Variants in IQCM observed in about 807,000 individuals in gnomAD.
IQCM encodes the protein IQ motif containing M.
IQCM carries 45 observed loss-of-function variants against 57.6 expected under a neutral mutation model. That is an observed-to-expected ratio of 0.78 (90% confidence interval 0.62 to 1.00). The LOEUF (loss-of-function observed/expected upper bound fraction) is 1.00, where lower values mean the gene tolerates loss of function less well. Ranked by LOEUF, IQCM falls within the 50% of genes least tolerant of loss-of-function variation. The pLI is 0.00. For synonymous variants in IQCM, 148 were observed against 158.9 expected (o/e 0.93, Z 0.51); for missense variants, 468 against 511.6 (o/e 0.91, Z 0.82).
chr4:149,646,281 T>G (rs1758628331), intron 7 of IQCM, among the ~76,000 whole-genome samples: 2 of 152,216 alleles, frequency 1.3e-5, no homozygotes, highest in Non-Finnish European at 1.5e-5. Context: ...AATATGAATC[T>G]TTTCTATTTC....
At chr4:149,702,168 C>G (rs992796547) in intron 5 of IQCM, among the ~76,000 whole-genome samples, 4 of 151,856 alleles carry the variant, frequency 2.6e-5, no homozygotes, top group African/African-American at 9.7e-5. Flanking sequence ...CAACTGATAA[C>G]ACACTAAGTA....
At chr4:149,421,284 G>T (rs1473160096) in intron 13 of IQCM, among the ~76,000 whole-genome samples, 1 of 151,878 alleles carries the variant, frequency 6.6e-6, no homozygotes, top group Non-Finnish European at 1.5e-5. Flanking sequence ...CCAATAAGCT[G>T]AGATAGAATC....
In IQCM at chr4:149,769,598, A is replaced by G. The variant is rs529866921; in HGVS notation, c.-48-26859T>C. Among the ~76,000 whole-genome samples the G allele has an allele frequency of 3.3e-5, 5 of 152,138 alleles. 1 individual carries two copies. Among genetic ancestry groups the G allele is most frequent in the African/African-American group, 1.2e-4 (5 of 41,568 alleles). On this transcript the variant is annotated intron_variant, in intron 2 of 13. Coordinates refer to ENST00000636793, the MANE Select transcript of IQCM (RefSeq NM_001363507.2). ...AAAAGTAAAAGGATAGAAAAGGTAG[A>G]CCACGCCACAGTAATCAAAATAAAA...
intron 2 of IQCM, among the ~76,000 whole-genome samples, chr4:149,814,711 C>T (rs1333756776): frequency 6.6e-6 from 1 of 151,858 alleles, no homozygotes; most frequent in Non-Finnish European, 1.5e-5. Flanking sequence ...ATTAATTTCT[C>T]TGAATAATTT....
intron 12 of IQCM, among the ~76,000 whole-genome samples, chr4:149,458,534 CT>C (rs1242416858): frequency 6.6e-6 from 1 of 151,578 alleles, no homozygotes; most frequent in Non-Finnish European, 1.5e-5. Flanking sequence ...AAATGCCAAT[CT>C]TTTAAAATTA....
chr4:149,395,752 C>T (rs1163229635), intron 13 of IQCM, among the ~76,000 whole-genome samples: 1 of 152,006 alleles, frequency 6.6e-6, no homozygotes, highest in Non-Finnish European at 1.5e-5. Context: ...TATGCAAATG[C>T]TGGCTGTTAT....
At chr4:149,591,585 A>G (rs945975732) in intron 8 of IQCM, among the ~76,000 whole-genome samples, 10 of 151,808 alleles carry the variant, frequency 6.6e-5, no homozygotes, top group Admixed American at 6.6e-4. Flanking sequence ...TATATCTCCT[A>G]ATGCTATCCC....
chr4:149,661,241 T>C (rs906006910), intron 7 of IQCM, among the ~76,000 whole-genome samples: 1 of 152,186 alleles, frequency 6.6e-6, no homozygotes, highest in African/African-American at 2.4e-5. Flanking sequence ...TCCTTTCTGT[T>C]AATGTGGTAT....
At chr4:149,583,648 T>C (rs975139190) in intron 9 of IQCM, among the ~76,000 whole-genome samples, 12 of 151,646 alleles carry the variant, frequency 7.9e-5, no homozygotes, top group African/African-American at 2.9e-4. Flanking sequence ...ACGTAGACTT[T>C]TGCAATATGG....
At chr4:149,521,540 T>C (rs1175628953) in intron 12 of IQCM, among the ~76,000 whole-genome samples, 1 of 152,222 alleles carries the variant, frequency 6.6e-6, no homozygotes, top group Non-Finnish European at 1.5e-5. Flanking sequence ...TCAGATGTTT[T>C]ATGTCAAAAT....
chr4:149,627,566 A>G (rs1319646651), intron 7 of IQCM, among the ~76,000 whole-genome samples: 3 of 152,170 alleles, frequency 2.0e-5, no homozygotes, highest in African/African-American at 4.8e-5. Flanking sequence ...TCCATTTAAC[A>G]GAGGAGAAAA....
intron 12 of IQCM, among the ~76,000 whole-genome samples, chr4:149,497,152 A>G (rs1057366445): frequency 6.6e-6 from 1 of 152,052 alleles, no homozygotes; most frequent in Non-Finnish European, 1.5e-5. Context: ...TCAGTCTTTC[A>G]AAGAATGCTC....
chr4:149,590,403 T>A (rs900068719), intron 8 of IQCM, among the ~76,000 whole-genome samples: 1 of 151,940 alleles, frequency 6.6e-6, no homozygotes, highest in South Asian at 2.1e-4. Context: ...CTATTTTCTC[T>A]TAAATTCTTT....
At chr4:149,437,757 G>T (rs1735509209) in intron 12 of IQCM, among the ~76,000 whole-genome samples, 1 of 152,054 alleles carries the variant, frequency 6.6e-6, no homozygotes, top group Non-Finnish European at 1.5e-5. Flanking sequence ...GTCTAAGTGA[G>T]CATAATAAAA....
chr4:149,562,788 T>C (rs1271962618), intron 10 of IQCM, among the ~76,000 whole-genome samples: 1 of 152,184 alleles, frequency 6.6e-6, no homozygotes, highest in East Asian at 1.9e-4. Context: ...TACATGTTAG[T>C]ACATGTAAAA....
Position 149,552,577 on chromosome 4 carries a change from G to C in IQCM, c.1093+566C>G, listed in dbSNP as rs938983320. The stretch of plus-strand genomic sequence containing the variant: ...AAGCAATGTGTTGTTTAGTAGGCTC[G>C]GTGTCCATTAACTATTATTCTGGTA... On this transcript the variant is annotated intron_variant, in intron 11 of 13. Transcript: ENST00000636793. Among the ~76,000 whole-genome samples the C allele has an allele frequency of 2.6e-5, 4 of 151,946 alleles. No homozygotes were observed. In the East Asian group the frequency reaches 7.7e-4, roughly 29 times the overall value.
intron 9 of IQCM, among the ~76,000 whole-genome samples, chr4:149,580,662 G>A (rs1752096110): frequency 2.0e-5 from 3 of 151,714 alleles, no homozygotes; most frequent in Non-Finnish European, 4.4e-5. Flanking sequence ...GAGGGAGACT[G>A]CATCATTAAT....
rs34730850 is a variant in IQCM at position 149,454,147 on chromosome 4, GAT to G, written c.1229-20592_1229-20591del. ...AAGGTAGACTGGATTAAGAAAATGT[GAT>G]ATATATATATATATATATACACACA... On this transcript the variant is annotated intron_variant, in intron 12 of 13. Coordinates refer to ENST00000636793, the MANE Select transcript of IQCM (RefSeq NM_001363507.2). 8.2e-3 allele frequency among the ~76,000 whole-genome samples: 1,048 copies of G among 127,354 alleles called. 16 individuals carry two copies. Among genetic ancestry groups the G allele is most frequent in the African/African-American group, 0.027 (983 of 35,982 alleles). 83.5% of individuals were successfully genotyped at this position (127,354 alleles called of 152,430 possible).
intron 5 of IQCM, among the ~76,000 whole-genome samples, chr4:149,694,143 C>T (rs1012172260): frequency 6.7e-6 from 1 of 150,198 alleles, no homozygotes; most frequent in Admixed American, 6.6e-5. Context: ...ATAAATAAGA[C>T]ATTTAATACC....
Sources: allele counts gnomAD v4.1 joint callset (sites outside exome capture counted in the v4.1 genomes callset), GRCh38; gene constraint gnomAD v4.1.1; transcripts MANE v1.5; gene names NCBI Gene and HGNC (gene_info 2026-07-23, HGNC 2026-07-21).